Variants in DNM3 observed in about 807,000 individuals in gnomAD.
DNM3 encodes the protein dynamin-3.
In DNM3, 47 loss-of-function variants were observed where a neutral mutation model predicts 101.6. The observed-to-expected ratio is 0.46, with a 90% CI of 0.37 to 0.59. The LOEUF (loss-of-function observed/expected upper bound fraction) is 0.59, where lower values mean the gene tolerates loss of function less well. Among genes scored for constraint, DNM3 ranks in the 20% least tolerant of loss-of-function variants. The pLI is 0.00. For missense variants in DNM3, 849 were observed against 1,085.7 expected, an observed-to-expected ratio of 0.78 and a Z score of 3.06; for synonymous variants, 385 against 387.9, an observed-to-expected ratio of 0.99 and a Z score of 0.09.
intron 14 of DNM3, among the ~76,000 whole-genome samples, chr1:172,237,861 A>T (rs2061603042): frequency 6.6e-6 from 1 of 152,190 alleles, no homozygotes; most frequent in Non-Finnish European, 1.5e-5. Flanking sequence ...TAATTAGCTG[A>T]TCAAAAGCAA....
intron 14 of DNM3, among the ~76,000 whole-genome samples, chr1:172,199,349 A>G (rs1232241865): frequency 1.3e-5 from 2 of 152,100 alleles, no homozygotes; most frequent in Non-Finnish European, 2.9e-5. Context: ...ATTTTAGAGT[A>G]CATGCCCTGT....
chr1:171,908,065 T>C lies in DNM3; in HGVS notation c.162-13683T>C, dbSNP rs563610181. ...TAAAAGTTTTATAAAATACTTAGCA[T>C]TTCTGTGTGTTACACTCATATAGTT... On this transcript the variant is annotated intron_variant, in intron 1 of 20. Coordinates refer to ENST00000627582, the MANE Select transcript of DNM3 (RefSeq NM_015569.5). Among the ~76,000 whole-genome samples the C allele has an allele frequency of 4.6e-5, 7 of 152,344 alleles. No homozygotes were observed. In the East Asian group the frequency reaches 1.2e-3, roughly 25 times the overall value.
At chr1:172,045,629 C>T (rs1250095396) in intron 9 of DNM3, among the ~76,000 whole-genome samples, 1 of 152,146 alleles carries the variant, frequency 6.6e-6, no homozygotes, top group Non-Finnish European at 1.5e-5. Context: ...ATGATAAGAA[C>T]AAATGATTTT....
In DNM3 at chr1:172,042,210, A is replaced by C. The variant is rs1385974330; in HGVS notation, c.1128+66A>C. The stretch of plus-strand genomic sequence containing the variant: ...TTCCATATTCTGTTTTATACAACTT[A>C]ATACAATATTGTGTGAGTGGTATAG... On this transcript the variant is annotated intron_variant, in intron 8 of 20. Coordinates refer to ENST00000627582, the MANE Select transcript of DNM3 (RefSeq NM_015569.5). 4 of 1,455,978 alleles carry C rather than the reference A, an allele frequency of 2.7e-6. No homozygotes were observed. The East Asian group carries it at 9.5e-5, about 35-fold the overall frequency. The allele number at this position is 1,455,978 out of a possible 1,614,324, so 90.2% of individuals were successfully genotyped here.
In DNM3 at chr1:172,407,722, C is replaced by T. The variant is rs1174945780; in HGVS notation, c.2523-50C>T. On this transcript the variant is annotated intron_variant, in intron 20 of 20. Transcript: ENST00000627582. The stretch of plus-strand genomic sequence containing the variant: ...TTCTCAGTGTCCTTGGAACAATGTT[C>T]TGCTAGATATTCTACTTGTTTCTTT... The T allele has an allele frequency of 3.2e-6, 5 of 1,578,228 alleles. No individual in the cohort carries two copies. In the African/African-American group the frequency reaches 6.8e-5, roughly 21 times the overall value.
At chr1:172,167,382 G>A (rs541456444) in intron 14 of DNM3, among the ~76,000 whole-genome samples, 19 of 152,116 alleles carry the variant, frequency 1.2e-4, no homozygotes, top group African/African-American at 2.9e-4. Context: ...ATAAACATAC[G>A]TGTGCATGTG....
intron 15 of DNM3, among the ~76,000 whole-genome samples, chr1:172,300,634 T>G (rs1358275163): frequency 2.0e-5 from 3 of 152,118 alleles, no homozygotes; most frequent in Non-Finnish European, 4.4e-5. Flanking sequence ...AACTGGACAT[T>G]TACCTATCAC....
chr1:172,142,988 C>G (rs1207386454), intron 14 of DNM3, among the ~76,000 whole-genome samples: 24 of 151,898 alleles, frequency 1.6e-4, no homozygotes, highest in Admixed American at 1.6e-3. Context: ...GATAACTTTA[C>G]TATATCATCT....
intron 17 of DNM3, among the ~76,000 whole-genome samples, chr1:172,371,064 C>T (rs2068296371): frequency 6.6e-6 from 1 of 151,986 alleles, no homozygotes; most frequent in Admixed American, 6.6e-5. Flanking sequence ...ACTTTTAGCC[C>T]ACTTTCTCAT....
intron 18 of DNM3, 79 bp from the exon 19 acceptor site, chr1:172,387,054 T>C (rs552455138): frequency 8.8e-6 from 11 of 1,243,056 alleles, no homozygotes; most frequent in Non-Finnish European, 1.3e-5. Context: ...GTCCAGACTC[T>C]GACTGCCACA....
At chr1:172,276,865 T>C (rs1040732882) in intron 15 of DNM3, among the ~76,000 whole-genome samples, 2 of 152,084 alleles carry the variant, frequency 1.3e-5, no homozygotes, top group African/African-American at 4.8e-5. Flanking sequence ...ATGAGTTGTT[T>C]GGAAAGTTAA....
intron 17 of DNM3, among the ~76,000 whole-genome samples, chr1:172,340,843 A>C (rs534963324): frequency 3.9e-4 from 59 of 152,222 alleles, no homozygotes; most frequent in African/African-American, 1.3e-3. Flanking sequence ...TACTGTGTTG[A>C]ATAGGAGTTG....
At chr1:172,334,371 T>A (rs1471700212) in intron 17 of DNM3, among the ~76,000 whole-genome samples, 1 of 152,150 alleles carries the variant, frequency 6.6e-6, no homozygotes, top group Non-Finnish European at 1.5e-5. Flanking sequence ...ATTGTCAGAA[T>A]GGGAAGTTAC....
intron 1 of DNM3, among the ~76,000 whole-genome samples, chr1:171,866,549 A>ATAAT (rs2034767691): frequency 6.6e-6 from 1 of 152,122 alleles, no homozygotes; most frequent in African/African-American, 2.4e-5. Flanking sequence ...AAAGATGAGG[A>ATAAT]TAATTATCCT....
chr1:172,020,770 A>C (rs2047797188), intron 4 of DNM3, among the ~76,000 whole-genome samples: 2 of 148,802 alleles, frequency 1.3e-5, no homozygotes, highest in South Asian at 2.1e-4. Flanking sequence ...GGATATTTCC[A>C]GTTGATCACT....
At chr1:172,317,765 A>G (rs1227841659) in intron 16 of DNM3, among the ~76,000 whole-genome samples, 1 of 152,234 alleles carries the variant, frequency 6.6e-6, no homozygotes, top group African/African-American at 2.4e-5. Context: ...CCAACCAAAA[A>G]GAGTCCAGGA....
Position 172,203,176 on chromosome 1 carries a change from A to G in DNM3, c.1660-50397A>G, listed in dbSNP as rs187164168. Among the ~76,000 whole-genome samples the G allele has an allele frequency of 4.6e-3, 694 of 152,286 alleles. 11 individuals are homozygous for G. The highest frequency in any genetic ancestry group is 0.016 in the African/African-American group (645 of 41,564). On this transcript the variant is annotated intron_variant, in intron 14 of 20. Transcript: ENST00000627582. ...AAGAATGAGCTGGAGGGTCTCTTCA[A>G]TCTCTGCTGTGATCTGCTAACTGCT...
chr1:172,295,412 A>G lies in DNM3; in HGVS notation c.1770-13316A>G, dbSNP rs142442273. 3.4e-3 allele frequency among the ~76,000 whole-genome samples: 516 copies of G among 152,336 alleles called. 3 individuals are homozygous for G. Among genetic ancestry groups the G allele is most frequent in the African/African-American group, 0.012 (483 of 41,576 alleles). On this transcript the variant is annotated intron_variant, in intron 15 of 20. Transcript: ENST00000627582. ...TTAAAAGAAGGAAAAGATGTGAAAA[A>G]ATTCAGAAATAATATGTCAGTATTT...
intron 15 of DNM3, chr1:172,290,069 TTGAA>T: frequency 1.1e-6 from 1 of 894,826 alleles, no homozygotes; most frequent in South Asian, 5.2e-5. Context: ...TTGAAGAACT[TTGAA>T]TGCTGAGAAA....
Sources: gnomAD v4.1 joint callset for allele counts (sites outside exome capture counted in the v4.1 genomes callset) on GRCh38, gnomAD v4.1.1 for gene constraint, MANE v1.5 for transcripts, NCBI Gene and HGNC (gene_info 2026-07-23, HGNC 2026-07-21) for gene names.